Variants in PLD5 observed in about 807,000 individuals in gnomAD.
The protein encoded by PLD5 is phospholipase D family member 5.
A neutral mutation model predicts 61.1 loss-of-function variants in PLD5; 36 were observed. The observed-to-expected ratio is 0.59, with a 90% confidence interval of 0.45 to 0.78. The LOEUF is 0.78. PLD5 is among the 30% of genes least tolerant of loss of function. The pLI, the probability that PLD5 is intolerant of heterozygous loss-of-function variation, is 0.00. For missense variants in PLD5, 515 were observed against 644.4 expected, an observed-to-expected ratio of 0.80 and a Z score of 2.17; for synonymous variants, 243 against 242.8, an observed-to-expected ratio of 1.00 and a Z score of -0.01.
chr1:242,510,746 G>A (rs1026712716), intron 1 of PLD5, among the ~76,000 whole-genome samples: 18 of 151,992 alleles, frequency 1.2e-4, no homozygotes, highest in Admixed American at 2.6e-4. Flanking sequence ...TCAGGAGGCC[G>A]AGGCAGGAGA....
At chr1:242,126,469 C>G (rs776823364) in intron 5 of PLD5, among the ~76,000 whole-genome samples, 2 of 152,152 alleles carry the variant, frequency 1.3e-5, no homozygotes, top group African/African-American at 4.8e-5. Context: ...AGGCGCATAG[C>G]CCAATGGAAC....
At chr1:242,115,203 AAG>A (rs1661847269) in intron 6 of PLD5, among the ~76,000 whole-genome samples, 1 of 152,046 alleles carries the variant, frequency 6.6e-6, no homozygotes, top group South Asian at 2.1e-4. Flanking sequence ...AAAAAGAAAA[AAG>A]AAAGTGCACA....
At chr1:242,098,573 T>C (rs1035720792) in intron 9 of PLD5, among the ~76,000 whole-genome samples, 3 of 152,250 alleles carry the variant, frequency 2.0e-5, no homozygotes, top group African/African-American at 7.2e-5. Context: ...AAAGTCATTC[T>C]CCATCCAGCT....
chr1:242,302,701 A>C (rs1676130050), intron 2 of PLD5, among the ~76,000 whole-genome samples: 1 of 152,256 alleles, frequency 6.6e-6, no homozygotes, highest in Admixed American at 6.5e-5. Context: ...CCTGGGCAAC[A>C]GAGCAAGACT....
chr1:242,530,407 T>G, the PLD5 span, among the ~76,000 whole-genome samples: 4 of 152,170 alleles, frequency 2.6e-5, no homozygotes, highest in Admixed American at 6.5e-5. Flanking sequence ...TAAGAATAAA[T>G]AAGTAGAAAA....
At position 242,393,686 on chromosome 1, in the gene PLD5, A is replaced by ATATATATGAGTATATATGTGTG. The variant is rs1379623858; in HGVS notation, c.190-45466_190-45445dup. On this transcript the variant is annotated intron_variant, in intron 1 of 9. Coordinates refer to ENST00000536534, the MANE Select transcript of PLD5 (RefSeq NM_001372062.1). ...TGTATATATATGAGTATATATGTGT[A>ATATATATGAGTATATATGTGTG]TATATATGAGTATATATGTGTGTAT... Among the ~76,000 whole-genome samples, 369 of 91,462 alleles carry ATATATATGAGTATATATGTGTG rather than the reference A, an allele frequency of 4.0e-3. 70 individuals carry two copies. The highest frequency in any genetic ancestry group is 9.8e-3 in the Admixed American group (70 of 7,154). The allele number at this position is 91,462 out of a possible 152,430, so 60.0% of individuals were successfully genotyped here.
upstream of PLD5, chr1:242,524,805 A>AGCC (rs914309270): frequency 1.3e-5 from 2 of 148,884 alleles, no homozygotes; most frequent in Admixed American, 6.7e-5. Context: ...TGCAGTGAGG[A>AGCC]GCCGCCGCCG....
At position 242,275,298 on chromosome 1, in the gene PLD5, T is replaced by C. The variant is rs867107501; in HGVS notation, c.496-9850A>G. The stretch of plus-strand genomic sequence containing the variant: ...CATATTCATATAGATATGAATCCCC[T>C]TTGGGCTTAATTCATTAGTTTAATC... On this transcript the variant is annotated intron_variant, in intron 3 of 9. Transcript: ENST00000536534. 3.2e-4 allele frequency among the ~76,000 whole-genome samples: 48 copies of C among 152,122 alleles called. No individual in the cohort carries two copies. In the Middle Eastern group the frequency reaches 0.014, roughly 43 times the overall value.
At chr1:242,172,513 G>A (rs1312421765) in intron 5 of PLD5, among the ~76,000 whole-genome samples, 1 of 151,996 alleles carries the variant, frequency 6.6e-6, no homozygotes, top group Non-Finnish European at 1.5e-5. Context: ...CAGAAGACAA[G>A]AAATAACTAA....
intron 1 of PLD5, among the ~76,000 whole-genome samples, chr1:242,357,419 A>G (rs952323971): frequency 4.0e-5 from 6 of 148,246 alleles, no homozygotes; most frequent in African/African-American, 1.5e-4. Flanking sequence ...TTTGGGTTGA[A>G]CTTAGTTGAT....
At chr1:242,112,643 G>A (rs1401082005) in intron 7 of PLD5, among the ~76,000 whole-genome samples, 1 of 152,120 alleles carries the variant, frequency 6.6e-6, no homozygotes, top group Non-Finnish European at 1.5e-5. Context: ...ATGGTTATTT[G>A]CGTAAAGAAG....
At chr1:242,113,215 G>A (rs961152660) in intron 7 of PLD5, among the ~76,000 whole-genome samples, 1 of 149,608 alleles carries the variant, frequency 6.7e-6, no homozygotes, top group Non-Finnish European at 1.5e-5. Context: ...TCAGCCTCCC[G>A]AGTAGCTGGG....
At chr1:242,329,794 C>T (rs1478727250) in intron 2 of PLD5, among the ~76,000 whole-genome samples, 21 of 152,138 alleles carry the variant, frequency 1.4e-4, no homozygotes, top group Admixed American at 6.5e-5. Context: ...ACATTAGATG[C>T]TTTATGTATG....
At chr1:242,304,651 A>C in intron 2 of PLD5, among the ~76,000 whole-genome samples, 1 of 152,238 alleles carries the variant, frequency 6.6e-6, no homozygotes, top group Non-Finnish European at 1.5e-5. Flanking sequence ...AATTTTAATT[A>C]ACAAATCTAA....
intron 2 of PLD5, among the ~76,000 whole-genome samples, chr1:242,341,001 G>A (rs1025726766): frequency 5.3e-5 from 8 of 151,948 alleles, no homozygotes; most frequent in Non-Finnish European, 8.8e-5. Context: ...TTAGATTCTG[G>A]TCTTTAATAG....
chr1:242,409,795 C>T (rs1386681949), intron 1 of PLD5, among the ~76,000 whole-genome samples: 2 of 152,056 alleles, frequency 1.3e-5, no homozygotes, highest in African/African-American at 4.8e-5. Flanking sequence ...AAAGGAAGGC[C>T]GCCATGATGT....
chr1:242,220,215 C>G, intron 4 of PLD5, 100 bp from the exon 5 acceptor site: 3 of 1,437,586 alleles, frequency 2.1e-6, no homozygotes, highest in Non-Finnish European at 2.9e-6. Context: ...CCATTTGTCC[C>G]AATTGACATT....
At chr1:242,337,882 G>T (rs547815418) in intron 2 of PLD5, among the ~76,000 whole-genome samples, 1 of 152,146 alleles carries the variant, frequency 6.6e-6, no homozygotes, top group African/African-American at 2.4e-5. Context: ...CATCCAGGGT[G>T]AGTAATATCT....
At chr1:242,174,803 A>G (rs1667009510) in intron 5 of PLD5, among the ~76,000 whole-genome samples, 1 of 152,060 alleles carries the variant, frequency 6.6e-6, no homozygotes, top group Non-Finnish European at 1.5e-5. Flanking sequence ...ACAAGGACAA[A>G]AAACCAAACA....
Sources: allele counts gnomAD v4.1 joint callset (sites outside exome capture counted in the v4.1 genomes callset), GRCh38; gene constraint gnomAD v4.1.1; transcripts MANE v1.5; gene names NCBI Gene and HGNC (gene_info 2026-07-23, HGNC 2026-07-21).